The following DNAH9 variants were observed in gnomAD, a reference collection of about 807,000 sequenced individuals.
The protein encoded by DNAH9 is DNAH9 variant protein.
In DNAH9, 345 loss-of-function variants were observed where a neutral mutation model predicts 471.6. The ratio of observed to expected loss-of-function variants is 0.73; its 90% CI spans 0.67 to 0.80. DNAH9 has a LOEUF of 0.80. DNAH9 is among the 30% of genes least tolerant of loss of function. DNAH9 has a pLI of 0.00. For synonymous variants in DNAH9, 2,093 were observed against 2,123.6 expected, an observed-to-expected ratio of 0.99 and a Z score of 0.40; for missense variants, 5,407 against 5,609.2, an observed-to-expected ratio of 0.96 and a Z score of 1.15.
At position 11,651,833 on chromosome 17, in the gene DNAH9, A is replaced by G. The variant is rs940538203; in HGVS notation, c.2353+509A>G. ...AGCTCACATTTAGTGGGGACAACAG[A>G]CAGATATACAACATAACTTATACAG... On this transcript the variant is annotated intron_variant, in intron 13 of 68. Coordinates refer to ENST00000262442, the MANE Select transcript of DNAH9 (RefSeq NM_001372.4). Among the ~76,000 whole-genome samples, 4 of 152,146 alleles carry G rather than the reference A, an allele frequency of 2.6e-5. No homozygotes were observed. In the East Asian group the frequency reaches 5.8e-4, roughly 22 times the overall value.
intron 26 of DNAH9, among the ~76,000 whole-genome samples, chr17:11,705,898 C>A (rs2150779347): frequency 6.6e-6 from 1 of 152,220 alleles, no homozygotes; most frequent in Non-Finnish European, 1.5e-5. Flanking sequence ...CCCTCACCTC[C>A]ATTTACAAAA....
intron 1 of DNAH9, among the ~76,000 whole-genome samples, chr17:11,605,726 G>A (rs1229573493): frequency 2.0e-5 from 3 of 147,614 alleles, no homozygotes; most frequent in South Asian, 4.2e-4. Context: ...GCAGGTCTCC[G>A]ACTCCTGGGC....
chr17:11,683,421 C>A (rs1430709694), intron 19 of DNAH9, among the ~76,000 whole-genome samples: 2 of 152,180 alleles, frequency 1.3e-5, no homozygotes, highest in African/African-American at 4.8e-5. Flanking sequence ...ATCCTCCCAC[C>A]TTGGCCTCCC....
intron 56 of DNAH9, chr17:11,884,379 C>T: frequency 6.0e-6 from 2 of 331,376 alleles, no homozygotes; most frequent in South Asian, 2.5e-5. Flanking sequence ...CTGCTCTGTT[C>T]CAGCATACCA....
chr17:11,933,825 G>C, intron 64 of DNAH9, 55 bp from the exon 65 acceptor site: 1 of 1,539,904 alleles, frequency 6.5e-7, no homozygotes. Context: ...GGCCAGCCCC[G>C]ACGCCTGTGT....
chr17:11,622,968 C>CTTTTTTTTTT (rs10551080), intron 6 of DNAH9, among the ~76,000 whole-genome samples: 41 of 105,300 alleles, frequency 3.9e-4, no homozygotes, highest in Non-Finnish European at 5.2e-4. Flanking sequence ...TTTTCTTTTT[C>CTTTTTTTTTT]TTTTTTTTTT....
intron 14 of DNAH9, among the ~76,000 whole-genome samples, chr17:11,662,762 T>C (rs2073793362): frequency 7.5e-6 from 1 of 133,614 alleles, no homozygotes; most frequent in Non-Finnish European, 1.6e-5. Context: ...TTTTTTTTTT[T>C]TTTTTTTTTT....
At chr17:11,702,205 G>T (rs2074614002) in intron 24 of DNAH9, among the ~76,000 whole-genome samples, 1 of 152,238 alleles carries the variant, frequency 6.6e-6, no homozygotes, top group East Asian at 1.9e-4. Context: ...CGGAGGAGGA[G>T]CAAAGGCTGC....
intron 27 of DNAH9, 55 bp downstream of exon 27, chr17:11,719,545 A>G (rs2075019725): frequency 1.3e-6 from 2 of 1,545,740 alleles, no homozygotes; most frequent in African/African-American, 1.4e-5. Context: ...AACTCAGGGC[A>G]CCAAATCAAG....
intron 11 of DNAH9, among the ~76,000 whole-genome samples, chr17:11,646,048 T>A (rs2073381993): frequency 6.6e-6 from 1 of 151,714 alleles, no homozygotes; most frequent in South Asian, 2.1e-4. Flanking sequence ...CCCGGCTAAT[T>A]TTTTGTATTT....
At chr17:11,827,797 T>G (rs1417321446) in intron 48 of DNAH9, among the ~76,000 whole-genome samples, 3 of 152,096 alleles carry the variant, frequency 2.0e-5, no homozygotes, top group Non-Finnish European at 4.4e-5. Flanking sequence ...GCGATTCTCC[T>G]GCCTCAGCCT....
At chr17:11,906,454 C>T (rs966579619) in intron 61 of DNAH9, among the ~76,000 whole-genome samples, 1 of 151,792 alleles carries the variant, frequency 6.6e-6, no homozygotes. Context: ...TGGTGAAACC[C>T]CATCTCTACC....
chr17:11,807,729 T>A lies in DNAH9; in HGVS notation c.8421-3T>A, dbSNP rs759083856. The A allele has an allele frequency of 1.2e-6, 2 of 1,602,882 alleles. No individual in the cohort carries two copies. Among genetic ancestry groups the A allele is most frequent in the Non-Finnish European group, 1.7e-6 (2 of 1,170,990 alleles). On this transcript the variant is annotated splice_polypyrimidine_tract_variant and splice_region_variant and intron_variant, in intron 43 of 68. Coordinates refer to ENST00000262442, the MANE Select transcript of DNAH9 (RefSeq NM_001372.4). The stretch of plus-strand genomic sequence containing the variant: ...CAACATGTGCCTGCTTCCTTCTCTT[T>A]AGCTGCCATATCAATCGCATCTTGG...
At chr17:11,867,295 G>A (rs1972095220) in intron 50 of DNAH9, among the ~76,000 whole-genome samples, 5 of 152,104 alleles carry the variant, frequency 3.3e-5, no homozygotes, top group Admixed American at 3.3e-4. Flanking sequence ...TTTCTGGAAA[G>A]CATATCTGTC....
In DNAH9 at chr17:11,900,074, A is replaced by C. The variant is rs950563056; in HGVS notation, c.11407-2645A>C. Among the ~76,000 whole-genome samples the C allele has an allele frequency of 4.0e-5, 6 of 149,862 alleles. No individual in the cohort carries two copies. In the Admixed American group the frequency reaches 4.1e-4, roughly 10 times the overall value. On this transcript the variant is annotated intron_variant, in intron 59 of 68. Transcript: ENST00000262442. ...ATAACAGTATGAGATATGGCAGACC[A>C]CATGACTTGGCCTCATTTTCCAAAT...
chr17:11,812,967 C>A (rs999801979), intron 45 of DNAH9, among the ~76,000 whole-genome samples: 1 of 152,160 alleles, frequency 6.6e-6, no homozygotes, highest in East Asian at 1.9e-4. Context: ...AGATGTCGGG[C>A]GTGTTGCCAG....
At chr17:11,884,042 G>A (rs1972806821) in intron 56 of DNAH9, among the ~76,000 whole-genome samples, 2 of 152,126 alleles carry the variant, frequency 1.3e-5, no homozygotes, top group South Asian at 2.1e-4. Context: ...TTCTGTGCAG[G>A]GAATGGTAGC....
intron 50 of DNAH9, among the ~76,000 whole-genome samples, chr17:11,863,026 T>A (rs1430954950): frequency 6.6e-6 from 1 of 152,190 alleles, no homozygotes; most frequent in African/African-American, 2.4e-5. Flanking sequence ...TTCTCCTGCC[T>A]AACTGCCCTG....
intron 42 of DNAH9, among the ~76,000 whole-genome samples, chr17:11,795,781 T>A (rs555263607): frequency 2.0e-4 from 30 of 152,266 alleles, no homozygotes; most frequent in African/African-American, 6.3e-4. Flanking sequence ...CAAATAGAGT[T>A]CCATGTGTGG....
Sources: allele counts gnomAD v4.1 joint callset (sites outside exome capture counted in the v4.1 genomes callset), GRCh38; gene constraint gnomAD v4.1.1; transcripts MANE v1.5; gene names NCBI Gene and HGNC (gene_info 2026-07-23, HGNC 2026-07-21).